Variants in MYO5B observed in about 807,000 individuals in gnomAD.
MYO5B encodes unconventional myosin-Vb.
In MYO5B, 143 loss-of-function variants were observed where a neutral mutation model predicts 229.3. The observed-to-expected ratio is 0.62, with a 90% CI of 0.54 to 0.72. The LOEUF is 0.72. Ranked by LOEUF, MYO5B falls within the 30% of genes least tolerant of loss-of-function variation. The pLI is 0.00. For missense variants in MYO5B, 2,321 were observed against 2,331.0 expected (o/e 1.00, Z 0.09); for synonymous variants, 918 against 885.2 (o/e 1.04, Z -0.66).
chr18:50,143,182 G>T (rs1390035434), intron 1 of MYO5B, among the ~76,000 whole-genome samples: 1 of 152,200 alleles, frequency 6.6e-6, no homozygotes, highest in African/African-American at 2.4e-5. Context: ...GAAGGTCATT[G>T]ACAAACTAGT....
chr18:50,100,810 A>G (rs2144501913), intron 1 of MYO5B, among the ~76,000 whole-genome samples: 1 of 152,290 alleles, frequency 6.6e-6, no homozygotes, highest in African/African-American at 2.4e-5. Context: ...AATCAATCAG[A>G]GCATGGCAAG....
chr18:49,853,720 C>T, intron 30 of MYO5B, 73 bp from the exon 31 acceptor site: 1 of 1,426,012 alleles, frequency 7.0e-7, no homozygotes, highest in South Asian at 1.2e-5. Context: ...CAGGCAGAAA[C>T]ATAACAGGGG....
At chr18:49,849,489 C>T in intron 32 of MYO5B, 78 bp downstream of exon 32, 3 of 994,428 alleles carry the variant, frequency 3.0e-6, no homozygotes, top group Non-Finnish European at 4.9e-6. Flanking sequence ...GTGCAGAGGG[C>T]AGGCAGACAG....
chr18:50,156,004 T>C (rs2032672805), intron 1 of MYO5B, among the ~76,000 whole-genome samples: 2 of 152,190 alleles, frequency 1.3e-5, no homozygotes, highest in South Asian at 2.1e-4. Flanking sequence ...TCGTGCACAA[T>C]GACATTCTAG....
chr18:49,928,514 C>T (rs2025154643), intron 17 of MYO5B, among the ~76,000 whole-genome samples: 1 of 152,132 alleles, frequency 6.6e-6, no homozygotes, highest in South Asian at 2.1e-4. Flanking sequence ...TGTGGTGGTG[C>T]ACACCTGTAG....
Position 50,095,623 on chromosome 18 carries a change from G to A in MYO5B, c.28-40245C>T, listed in dbSNP as rs562302754. 2.0e-5 allele frequency among the ~76,000 whole-genome samples: 3 copies of A among 152,338 alleles called. No homozygotes were observed. The South Asian group carries it at 6.2e-4, about 32-fold the overall frequency. On this transcript the variant is annotated intron_variant, in intron 1 of 39. Coordinates refer to ENST00000285039, the MANE Select transcript of MYO5B (RefSeq NM_001080467.3). ...CCCCATTGTGAATAAGGATGAGCAT[G>A]TGTGAGCCTAGCTGTCTTTCAGGAA...
At chr18:49,936,997 C>A (rs968153506) in intron 15 of MYO5B, among the ~76,000 whole-genome samples, 1 of 152,198 alleles carries the variant, frequency 6.6e-6, no homozygotes, top group East Asian at 1.9e-4. Context: ...TGGCACAGCC[C>A]CACCACAGGC....
At chr18:50,108,389 C>T (rs2031800507) in intron 1 of MYO5B, among the ~76,000 whole-genome samples, 1 of 152,186 alleles carries the variant, frequency 6.6e-6, no homozygotes, top group African/African-American at 2.4e-5. Flanking sequence ...TATGTGTTGC[C>T]AGAGTCCATT....
chr18:50,039,519 G>A (rs1178248314), intron 3 of MYO5B, among the ~76,000 whole-genome samples: 2 of 152,052 alleles, frequency 1.3e-5, no homozygotes, highest in African/African-American at 4.8e-5. Flanking sequence ...TTTTAGTAGA[G>A]ATGGGGTTTC....
chr18:50,042,766 C>T (rs1450742820), intron 2 of MYO5B, among the ~76,000 whole-genome samples: 1 of 152,152 alleles, frequency 6.6e-6, no homozygotes, highest in Non-Finnish European at 1.5e-5. Flanking sequence ...GCACAGCTGC[C>T]CTCCTCTCCC....
At chr18:50,058,231 C>A (rs569026449) in intron 1 of MYO5B, among the ~76,000 whole-genome samples, 1 of 152,058 alleles carries the variant, frequency 6.6e-6, no homozygotes, top group African/African-American at 2.4e-5. Context: ...CTTTGGGAGC[C>A]GAGGCAGGTA....
intron 17 of MYO5B, among the ~76,000 whole-genome samples, chr18:49,915,232 T>C (rs1432018359): frequency 1.3e-5 from 2 of 152,244 alleles, no homozygotes; most frequent in Non-Finnish European, 2.9e-5. Context: ...CTTTAGAGTG[T>C]ACAATAATTG....
At chr18:49,937,915 A>C (rs2025269100) in intron 14 of MYO5B, among the ~76,000 whole-genome samples, 1 of 152,208 alleles carries the variant, frequency 6.6e-6, no homozygotes, top group Admixed American at 6.5e-5. Context: ...CCAGACTTTT[A>C]GTGGTGATGA....
chr18:49,922,359 T>C (rs1245507195), intron 17 of MYO5B, among the ~76,000 whole-genome samples: 1 of 152,178 alleles, frequency 6.6e-6, no homozygotes, highest in Non-Finnish European at 1.5e-5. Context: ...TGGAAAAGAT[T>C]AAGCAATGGT....
At chr18:50,109,975 C>A (rs546818760) in intron 1 of MYO5B, among the ~76,000 whole-genome samples, 1 of 152,164 alleles carries the variant, frequency 6.6e-6, no homozygotes, top group Non-Finnish European at 1.5e-5. Flanking sequence ...AAAGGCCCTA[C>A]CCAGTCTGGC....
intron 34 of MYO5B, among the ~76,000 whole-genome samples, 162 bp downstream of exon 34, chr18:49,843,079 C>G (rs1410774587): frequency 6.6e-6 from 1 of 152,214 alleles, no homozygotes; most frequent in African/African-American, 2.4e-5. Context: ...TGGGAACTGC[C>G]AGGCATCCTG....
At chr18:49,909,856 C>T (rs1309193603) in intron 18 of MYO5B, among the ~76,000 whole-genome samples, 1 of 152,158 alleles carries the variant, frequency 6.6e-6, no homozygotes, top group Non-Finnish European at 1.5e-5. Flanking sequence ...TATTCCTATA[C>T]TTTTTCTTTA....
intron 1 of MYO5B, among the ~76,000 whole-genome samples, chr18:50,100,668 C>G (rs1308151303): frequency 6.6e-6 from 1 of 152,226 alleles, no homozygotes; most frequent in Non-Finnish European, 1.5e-5. Context: ...CCAAAAGCCA[C>G]ATACTATGCA....
At chr18:49,865,465 T>C (rs528994088) in intron 27 of MYO5B, among the ~76,000 whole-genome samples, 1 of 152,278 alleles carries the variant, frequency 6.6e-6, no homozygotes, top group Non-Finnish European at 1.5e-5. Context: ...GGTGAGTCTA[T>C]TTACTAAGTT....
Sources: gnomAD v4.1 joint callset for allele counts (sites outside exome capture counted in the v4.1 genomes callset) on GRCh38, gnomAD v4.1.1 for gene constraint, MANE v1.5 for transcripts, NCBI Gene and HGNC (gene_info 2026-07-23, HGNC 2026-07-21) for gene names.